LIMCH1: variants seen among roughly 807,000 people sequenced by gnomAD.
LIMCH1 encodes the protein LIM and calponin homology domains-containing protein 1.
LIMCH1 carries 113 observed loss-of-function variants against 176.5 expected under a neutral mutation model. The observed-to-expected ratio is 0.64, with a 90% CI of 0.55 to 0.75. The LOEUF (loss-of-function observed/expected upper bound fraction) is 0.75, where lower values mean the gene tolerates loss of function less well. Among genes scored for constraint, LIMCH1 ranks in the 30% least tolerant of loss-of-function variants. The probability of loss-of-function intolerance (pLI) is 0.00; values close to 1 mark genes in which losing one functional copy is unlikely to be tolerated. For synonymous variants in LIMCH1, 619 were observed against 645.9 expected (o/e 0.96, Z 0.63); for missense variants, 1,674 against 1,814.9 (o/e 0.92, Z 1.41).
intron 1 of LIMCH1, among the ~76,000 whole-genome samples, chr4:41,418,347 AC>A (rs1346326916): frequency 2.0e-5 from 3 of 152,122 alleles, no homozygotes; most frequent in Non-Finnish European, 4.4e-5. Flanking sequence ...TTCTCCATTC[AC>A]CTGGTGTGAA....
intron 14 of LIMCH1, 148 bp from the exon 15 acceptor site, chr4:41,644,352 A>G: frequency 9.1e-7 from 1 of 1,097,524 alleles, no homozygotes; most frequent in Non-Finnish European, 1.2e-6. Flanking sequence ...GGGCCAGAAC[A>G]CACCGCCAGT....
At chr4:41,498,875 C>CT (rs369706179) in intron 2 of LIMCH1, among the ~76,000 whole-genome samples, 92 of 142,802 alleles carry the variant, frequency 6.4e-4, no homozygotes, top group South Asian at 3.8e-3. Context: ...GGCCCTTGGC[C>CT]TTTTTTTTTT....
chr4:41,600,183 G>A (rs2089661697), intron 2 of LIMCH1, among the ~76,000 whole-genome samples: 1 of 152,080 alleles, frequency 6.6e-6, no homozygotes. Context: ...ACTTCTCTTG[G>A]AAAAATTTTA....
At position 41,360,998 on chromosome 4, in the gene LIMCH1, G is replaced by C. The variant is rs796373826; in HGVS notation, c.96+62G>C. 347 of 1,260,882 alleles carry C rather than the reference G, an allele frequency of 2.8e-4. 3 individuals carry two copies. The highest frequency in any genetic ancestry group is 1.9e-3 in the African/African-American group (121 of 65,062). 78.1% of individuals were successfully genotyped at this position (1,260,882 alleles called of 1,614,324 possible). ...CGCCCTGAGCCACGGACCCGCGCAC[G>C]CTCCGACCGCAGGTCCAGCCTTGCC... On this transcript the variant is annotated intron_variant, in intron 1 of 26. Transcript: ENST00000313860. The surrounding 1 kb of genome is among the most constrained non-coding windows in gnomAD (Gnocchi z 4.5).
intron 2 of LIMCH1, among the ~76,000 whole-genome samples, chr4:41,496,737 A>AG (rs1338395076): frequency 1.3e-5 from 2 of 152,212 alleles, no homozygotes; most frequent in African/African-American, 4.8e-5. Context: ...TCTAGCAAAA[A>AG]GGGGGACTTG....
rs1213764482 is a variant in LIMCH1, at chr4:41,697,381, T to G, written c.*196T>G. 2 of 576,616 alleles carry G rather than the reference T, an allele frequency of 3.5e-6. No homozygotes were observed. Among genetic ancestry groups the G allele is most frequent in the Non-Finnish European group, 6.1e-6 (2 of 325,438 alleles). The allele number at this position is 576,616 out of a possible 1,614,324, so 35.7% of individuals were successfully genotyped here. ...TGTTTATTGTTTTGGTTTTTTTTTT[T>G]TTTTTGCATTTGCACAGTATACACA... On this transcript the variant is annotated 3_prime_UTR_variant, in exon 32 of 32. Coordinates refer to ENST00000503057, the MANE Select transcript of LIMCH1 (RefSeq NM_001330672.2).
chr4:41,552,717 T>G (rs1165470328), intron 1 of LIMCH1, among the ~76,000 whole-genome samples: 1 of 152,196 alleles, frequency 6.6e-6, no homozygotes, highest in Non-Finnish European at 1.5e-5. Context: ...TTGGATAAAA[T>G]AGCTTTTAAA....
intron 1 of LIMCH1, among the ~76,000 whole-genome samples, chr4:41,485,346 ACTTTT>A (rs899983980): frequency 6.6e-6 from 1 of 152,198 alleles, no homozygotes; most frequent in African/African-American, 2.4e-5. Flanking sequence ...GCAGATGAAC[ACTTTT>A]CTTTTCCTTT....
At chr4:41,450,950 G>T (rs549737735) in intron 1 of LIMCH1, among the ~76,000 whole-genome samples, 14 of 152,190 alleles carry the variant, frequency 9.2e-5, no homozygotes, top group African/African-American at 2.2e-4. Flanking sequence ...TCATCATAGA[G>T]GAAGTGTAGA....
At chr4:41,447,680 C>T (rs562647075) in intron 1 of LIMCH1, among the ~76,000 whole-genome samples, 1 of 152,272 alleles carries the variant, frequency 6.6e-6, no homozygotes, top group East Asian at 1.9e-4. Flanking sequence ...ACGAGAATAT[C>T]GAGACAAATG....
chr4:41,565,960 C>T (rs1168891012), intron 1 of LIMCH1, among the ~76,000 whole-genome samples: 1 of 152,120 alleles, frequency 6.6e-6, no homozygotes, highest in Admixed American at 6.6e-5. Context: ...CTTATTTAAC[C>T]CTGACAACTT....
intron 3 of LIMCH1, among the ~76,000 whole-genome samples, chr4:41,525,339 G>A (rs966843761): frequency 3.9e-5 from 6 of 152,178 alleles, no homozygotes; most frequent in African/African-American, 1.4e-4. Flanking sequence ...ATGTAGTTTT[G>A]CAGAAAGCAA....
intron 1 of LIMCH1, among the ~76,000 whole-genome samples, chr4:41,445,239 C>T (rs954369951): frequency 2.5e-4 from 38 of 152,064 alleles, no homozygotes; most frequent in Non-Finnish European, 4.1e-4. Context: ...CTCCTGACCT[C>T]GTGATCCACC....
intron 1 of LIMCH1, among the ~76,000 whole-genome samples, chr4:41,372,462 G>A (rs1242613241): frequency 6.6e-6 from 1 of 152,124 alleles, no homozygotes; most frequent in African/African-American, 2.4e-5. Flanking sequence ...TATGGATACT[G>A]TTTTATGGTA....
chr4:41,436,572 C>G (rs1310139450), intron 1 of LIMCH1, among the ~76,000 whole-genome samples: 3 of 152,138 alleles, frequency 2.0e-5, no homozygotes, highest in Non-Finnish European at 4.4e-5. Context: ...TCCATTTTAT[C>G]ATCGGGATTG....
rs1561311282 is a variant in LIMCH1, at chr4:41,419,645, T to TC, written c.96+58710dup. On this transcript the variant is annotated intron_variant, in intron 1 of 26. Transcript: ENST00000313860. Reference sequence around the variant, plus strand: ...TTCCTTCCTTCCTTCCTCCTTCCTTTCTTCCTCCTTCCTTCCTTCCTTCCT... The same window carrying TC: ...TTCCTTCCTTCCTTCCTCCTTCCTTTCCTTCCTCCTTCCTTCCTTCCTTCCT... Among the ~76,000 whole-genome samples, 28 of 50,758 alleles carry TC rather than the reference T, an allele frequency of 5.5e-4. 3 individuals are homozygous for TC. The highest frequency in any genetic ancestry group is 2.6e-3 in the African/African-American group (26 of 9,876). 33.3% of individuals were successfully genotyped at this position (50,758 alleles called of 152,430 possible).
chr4:41,545,817 T>C (rs1318087125), intron 1 of LIMCH1, among the ~76,000 whole-genome samples: 1 of 152,226 alleles, frequency 6.6e-6, no homozygotes, highest in Non-Finnish European at 1.5e-5. Context: ...AGTCAAAATA[T>C]TAATATGTTC....
Position 41,689,594 on chromosome 4 carries a change from A to T in LIMCH1, c.4234A>T (p.Ile1412Phe). The part of the protein sequence containing the change: ...LPLGKGAAMI[I>F]ETLNLYFHIQ... The stretch of plus-strand genomic sequence containing the variant: ...TTTGGGTAAAGGAGCTGCAATGATC[A>T]TCGAGACCCTCAATCTCTATTTTCA... The change falls in exon 30 of 32, where the codon ATC becomes TTC. Residue 1412 changes from isoleucine to phenylalanine, a missense_variant. Physicochemically the swap from Ile to Phe is conservative, Grantham distance 21. Transcript: ENST00000503057. 1.2e-6 allele frequency: 2 copies of T among 1,612,454 alleles called. No homozygotes were observed. Among genetic ancestry groups the T allele is most frequent in the East Asian group, 4.5e-5 (2 of 44,848 alleles).
chr4:41,535,819 G>A (rs1436856156), upstream of LIMCH1, among the ~76,000 whole-genome samples: 1 of 152,104 alleles, frequency 6.6e-6, no homozygotes, highest in Non-Finnish European at 1.5e-5. Flanking sequence ...TAATTATTCT[G>A]TGTCTCTGCA....
Sources: allele counts gnomAD v4.1 joint callset (sites outside exome capture counted in the v4.1 genomes callset), GRCh38; gene constraint gnomAD v4.1.1; non-coding constraint Gnocchi (gnomAD v3.1); transcripts MANE v1.5; gene names NCBI Gene and HGNC (gene_info 2026-07-23, HGNC 2026-07-21).